Variants in CAP2 observed in about 807,000 individuals in gnomAD.
CAP2 encodes adenylyl cyclase-associated protein 2.
A neutral mutation model predicts 57.7 loss-of-function variants in CAP2; 24 were observed. That is an observed-to-expected ratio of 0.42 (90% confidence interval 0.30 to 0.58). The LOEUF (loss-of-function observed/expected upper bound fraction) is 0.58, where lower values mean the gene tolerates loss of function less well. Among genes scored for constraint, CAP2 ranks in the 20% least tolerant of loss-of-function variants. The probability of loss-of-function intolerance (pLI) is 0.22; values close to 1 mark genes in which losing one functional copy is unlikely to be tolerated. For synonymous variants in CAP2, 194 were observed against 207.2 expected, an observed-to-expected ratio of 0.94 and a Z score of 0.55; for missense variants, 501 against 590.3, an observed-to-expected ratio of 0.85 and a Z score of 1.57.
intron 11 of CAP2, among the ~76,000 whole-genome samples, chr6:17,547,893 A>G (rs939021592): frequency 3.9e-4 from 59 of 151,862 alleles, no homozygotes; most frequent in African/African-American, 1.4e-3. Flanking sequence ...ATTGAGAGAG[A>G]TAAAACTGGA....
At chr6:17,504,607 C>T in intron 4 of CAP2, among the ~76,000 whole-genome samples, 1 of 152,174 alleles carries the variant, frequency 6.6e-6, no homozygotes, top group East Asian at 1.9e-4. Context: ...ATTAACCTCT[C>T]TGAGCTCGTA....
At chr6:17,508,067 T>C (rs1353255142) in intron 6 of CAP2, among the ~76,000 whole-genome samples, 1 of 151,978 alleles carries the variant, frequency 6.6e-6, no homozygotes, top group Non-Finnish European at 1.5e-5. Flanking sequence ...TGCATCAAAG[T>C]AGAGTTGGAG....
chr6:17,452,973 T>C (rs143337163), intron 3 of CAP2, among the ~76,000 whole-genome samples: 2 of 152,332 alleles, frequency 1.3e-5, no homozygotes, highest in East Asian at 3.9e-4. Flanking sequence ...ATATTTTAAC[T>C]CACAGGACTG....
intron 4 of CAP2, among the ~76,000 whole-genome samples, chr6:17,494,028 G>T (rs1041509283): frequency 1.3e-5 from 2 of 152,044 alleles, no homozygotes; most frequent in African/African-American, 2.4e-5. Flanking sequence ...CCCCACATCC[G>T]GTCTAAAATC....
intron 9 of CAP2, among the ~76,000 whole-genome samples, chr6:17,541,480 TGA>T (rs1015093803): frequency 4.6e-5 from 7 of 151,864 alleles, no homozygotes; most frequent in African/African-American, 1.7e-4. Flanking sequence ...CTTGAGAGGC[TGA>T]GACAGGAGAA....
intron 1 of CAP2, among the ~76,000 whole-genome samples, chr6:17,403,616 A>G (rs1346592271): frequency 6.6e-6 from 1 of 152,184 alleles, no homozygotes; most frequent in East Asian, 1.9e-4. Flanking sequence ...AAATGTTTTG[A>G]CCATTGAATT....
intron 7 of CAP2, among the ~76,000 whole-genome samples, chr6:17,526,397 C>T (rs751848290): frequency 6.6e-6 from 1 of 151,942 alleles, no homozygotes; most frequent in Non-Finnish European, 1.5e-5. Context: ...GGATTACAGG[C>T]GTCAGCCACC....
intron 4 of CAP2, among the ~76,000 whole-genome samples, chr6:17,481,505 T>C (rs1364156186): frequency 1.3e-5 from 2 of 152,226 alleles, no homozygotes; most frequent in Non-Finnish European, 2.9e-5. Flanking sequence ...TGAGATCCTT[T>C]TTGAGATTCT....
chr6:17,426,877 A>T (rs1473361503), intron 3 of CAP2, among the ~76,000 whole-genome samples, 187 bp downstream of exon 3: 3 of 152,210 alleles, frequency 2.0e-5, no homozygotes, highest in Admixed American at 2.0e-4. Flanking sequence ...CTATGGATAG[A>T]GTATTGTCCA....
intron 1 of CAP2, among the ~76,000 whole-genome samples, chr6:17,410,319 C>A (rs540440260): frequency 6.6e-6 from 1 of 152,266 alleles, no homozygotes; most frequent in African/African-American, 2.4e-5. Context: ...CTGGGAATAC[C>A]CAGAACTACT....
In CAP2 at chr6:17,436,832, C is replaced by T. The variant is rs193000252; in HGVS notation, c.222+10142C>T. Among the ~76,000 whole-genome samples the T allele has an allele frequency of 3.3e-4, 50 of 152,114 alleles. 1 individual carries two copies. The East Asian group carries it at 7.0e-3, about 21-fold the overall frequency. ...AGGAGGTGAGTGGCAGGCAGGTGAG[C>T]GGCCAAAGCTTCATCTGTACTTAGA... On this transcript the variant is annotated intron_variant, in intron 3 of 12. Transcript: ENST00000229922.
At chr6:17,487,620 C>A (rs1020555458) in intron 4 of CAP2, among the ~76,000 whole-genome samples, 1 of 152,208 alleles carries the variant, frequency 6.6e-6, no homozygotes, top group Non-Finnish European at 1.5e-5. Flanking sequence ...CAGGCACCCG[C>A]CACCACGCCC....
intron 4 of CAP2, among the ~76,000 whole-genome samples, chr6:17,500,901 CA>C (rs745336655): frequency 9.2e-5 from 14 of 152,246 alleles, no homozygotes; most frequent in Non-Finnish European, 1.8e-4. Context: ...AAACTTTACA[CA>C]AAAACACATA....
At chr6:17,462,214 G>C (rs62393837) in intron 3 of CAP2, among the ~76,000 whole-genome samples, 2,866 of 151,744 alleles carry the variant, frequency 0.019, 37 homozygotes, top group Non-Finnish European at 0.031. Context: ...ATCTCTCCTG[G>C]GCCCATCTTA....
intron 3 of CAP2, among the ~76,000 whole-genome samples, chr6:17,431,023 A>T (rs1759714302): frequency 6.6e-6 from 1 of 152,138 alleles, no homozygotes; most frequent in Non-Finnish European, 1.5e-5. Flanking sequence ...TGGAATCTTT[A>T]TTTCCTGTTC....
At chr6:17,514,869 G>C (rs376100308) in intron 7 of CAP2, among the ~76,000 whole-genome samples, 9 of 152,160 alleles carry the variant, frequency 5.9e-5, no homozygotes, top group African/African-American at 1.9e-4. Flanking sequence ...AAAGTCAATT[G>C]CAAAAGTTTA....
intron 4 of CAP2, among the ~76,000 whole-genome samples, chr6:17,470,251 C>T (rs745507807): frequency 6.6e-6 from 1 of 152,160 alleles, no homozygotes; most frequent in Non-Finnish European, 1.5e-5. Context: ...TCAAGTTACC[C>T]ACTTGGGGGA....
At chr6:17,435,743 A>AC (rs1561782524) in intron 3 of CAP2, among the ~76,000 whole-genome samples, 80 of 148,892 alleles carry the variant, frequency 5.4e-4, no homozygotes, top group African/African-American at 1.9e-3. Context: ...CAAAAAAAAA[A>AC]CAATATATTC....
At chr6:17,474,185 CTTTTTTTT>C (rs544909381) in intron 4 of CAP2, among the ~76,000 whole-genome samples, 8 of 93,208 alleles carry the variant, frequency 8.6e-5, no homozygotes, top group African/African-American at 2.1e-4. Context: ...AAAAAACAGT[CTTTTTTTT>C]TTTTTTTTTT....
Sources: gnomAD v4.1 joint callset for allele counts (sites outside exome capture counted in the v4.1 genomes callset) on GRCh38, gnomAD v4.1.1 for gene constraint, MANE v1.5 for transcripts, NCBI Gene and HGNC (gene_info 2026-07-23, HGNC 2026-07-21) for gene names.